ZBBX: variants seen among roughly 807,000 people sequenced by gnomAD.
ZBBX encodes zinc finger B-box domain-containing protein 1.
ZBBX carries 101 observed loss-of-function variants against 108.5 expected under a neutral mutation model. The observed-to-expected ratio is 0.93, with a 90% CI of 0.79 to 1.10. The LOEUF (loss-of-function observed/expected upper bound fraction) is 1.10, where lower values mean the gene tolerates loss of function less well. ZBBX is among the 50% of genes least tolerant of loss of function. The pLI is 0.00. For missense variants in ZBBX, 1,009 were observed against 941.4 expected (o/e 1.07, Z -0.94); for synonymous variants, 356 against 323.4 (o/e 1.10, Z -1.08).
At chr3:167,243,168 G>T (rs927460743) in intron 20 of ZBBX, among the ~76,000 whole-genome samples, 1 of 152,146 alleles carries the variant, frequency 6.6e-6, no homozygotes, top group Non-Finnish European at 1.5e-5. Context: ...GCTGGCTTAT[G>T]ATTTAGCCTA....
At chr3:167,179,083 C>T in the ZBBX span, among the ~76,000 whole-genome samples, 77 of 152,154 alleles carry the variant, frequency 5.1e-4, no homozygotes, top group East Asian at 0.012. Context: ...AGAAACACTG[C>T]AAAAGGTGAC....
intron 19 of ZBBX, among the ~76,000 whole-genome samples, chr3:167,287,329 A>G (rs985649384): frequency 1.3e-5 from 2 of 152,118 alleles, no homozygotes; most frequent in African/African-American, 4.8e-5. Flanking sequence ...TATTAGCATA[A>G]CACGGAGTTG....
the ZBBX span, among the ~76,000 whole-genome samples, chr3:167,193,798 A>C: frequency 2.0e-5 from 3 of 152,214 alleles, 1 homozygote; most frequent in African/African-American, 7.2e-5. Context: ...TCAGCCATTA[A>C]AATGAATAAA....
chr3:167,359,033 T>C (rs1744087626), intron 8 of ZBBX, among the ~76,000 whole-genome samples: 1 of 142,124 alleles, frequency 7.0e-6, no homozygotes, highest in African/African-American at 2.6e-5. Flanking sequence ...GCCTTAAACA[T>C]AATAGCAAAA....
rs1252197931 is a variant in ZBBX, at chr3:167,280,342, G to A, written c.2254+1896C>T. ...ACCTATAAAATGGGAGAAAATTTTT[G>A]CAACCTACTCATCTGACAAAGGGCT... On this transcript the variant is annotated intron_variant, in intron 20 of 21. Coordinates refer to ENST00000675490, the MANE Select transcript of ZBBX (RefSeq NM_001199201.2). Among the ~76,000 whole-genome samples, 36 of 150,102 alleles carry A rather than the reference G, an allele frequency of 2.4e-4. 1 individual carries two copies. Among genetic ancestry groups the A allele is most frequent in the Non-Finnish European group, 4.7e-4 (32 of 67,686 alleles).
chr3:167,336,709 A>G (rs1029765216), intron 9 of ZBBX, among the ~76,000 whole-genome samples: 7 of 152,228 alleles, frequency 4.6e-5, no homozygotes, highest in African/African-American at 1.4e-4. Context: ...GAAACTGAAA[A>G]TATTAAATTT....
intron 12 of ZBBX, among the ~76,000 whole-genome samples, chr3:167,321,526 G>A (rs964786259): frequency 6.6e-6 from 1 of 151,732 alleles, no homozygotes; most frequent in African/African-American, 2.4e-5. Flanking sequence ...CCAACAACTT[G>A]CACCTCAAAA....
At position 167,368,584 on chromosome 3, in the gene ZBBX, T is replaced by A. The variant is rs762954214; in HGVS notation, c.69-10A>T. 1.3e-6 allele frequency: 2 copies of A among 1,576,566 alleles called. No homozygotes were observed. Among genetic ancestry groups the A allele is most frequent in the South Asian group, 2.4e-5 (2 of 83,296 alleles). On this transcript the variant is annotated splice_polypyrimidine_tract_variant and intron_variant, in intron 4 of 21. Coordinates refer to ENST00000675490, the MANE Select transcript of ZBBX (RefSeq NM_001199201.2). ...CAGTTCTTGAGCATTTCTGAAGACA[T>A]AAGATTTAAATGGAGAAAGCAGAAA...
chr3:167,246,913 G>A (rs569775188), intron 20 of ZBBX, among the ~76,000 whole-genome samples: 2 of 152,300 alleles, frequency 1.3e-5, no homozygotes, highest in South Asian at 4.1e-4. Flanking sequence ...ATGATAATTA[G>A]TTCTAGAATG....
intron 20 of ZBBX, among the ~76,000 whole-genome samples, chr3:167,274,186 T>G (rs1727059492): frequency 6.6e-6 from 1 of 152,192 alleles, no homozygotes; most frequent in South Asian, 2.1e-4. Context: ...CTTTGTCCAA[T>G]GAACTAGCTA....
At chr3:167,184,008 T>A in the ZBBX span, among the ~76,000 whole-genome samples, 31 of 152,314 alleles carry the variant, frequency 2.0e-4, no homozygotes, top group East Asian at 5.8e-3. Context: ...ATCTATAGAC[T>A]AATGAAAATG....
chr3:167,330,442 T>C (rs1242425749), intron 10 of ZBBX, among the ~76,000 whole-genome samples: 1 of 152,138 alleles, frequency 6.6e-6, no homozygotes. Flanking sequence ...TGATAACTAT[T>C]GTGGACTGAA....
At chr3:167,268,115 ACT>A (rs1189158001) in intron 20 of ZBBX, among the ~76,000 whole-genome samples, 1 of 151,528 alleles carries the variant, frequency 6.6e-6, no homozygotes, top group Non-Finnish European at 1.5e-5. Flanking sequence ...GTCAGCTCTG[ACT>A]CTCTTCCGCT....
chr3:167,372,957 A>C lies in ZBBX; in HGVS notation c.-49-7T>G. 5.9e-6 allele frequency: 8 copies of C among 1,357,328 alleles called. No homozygotes were observed. Among genetic ancestry groups the C allele is most frequent in the Non-Finnish European group, 7.1e-6 (7 of 982,178 alleles). The allele number at this position is 1,357,328 out of a possible 1,614,324, so 84.1% of individuals were successfully genotyped here. The stretch of plus-strand genomic sequence containing the variant: ...TTCTGATTTGTAAACACTTCTGTAA[A>C]AGTAACAAAGACAAAAGAATTATGG... On this transcript the variant is annotated splice_region_variant and splice_polypyrimidine_tract_variant and intron_variant, in intron 3 of 21. Coordinates refer to ENST00000675490, the MANE Select transcript of ZBBX (RefSeq NM_001199201.2).
chr3:167,358,272 C>T (rs1043766927), intron 8 of ZBBX, among the ~76,000 whole-genome samples: 7 of 151,760 alleles, frequency 4.6e-5, no homozygotes, highest in Admixed American at 2.0e-4. Flanking sequence ...GCGAAATAAG[C>T]CAGTAACTAA....
intron 5 of ZBBX, 27 bp from the exon 6 acceptor site, chr3:167,366,003 T>C: frequency 6.6e-7 from 1 of 1,512,056 alleles, no homozygotes; most frequent in Non-Finnish European, 9.1e-7. Flanking sequence ...CAAGATAAAA[T>C]GTAATCACTA....
chr3:167,238,468 T>G (rs987153192), downstream of ZBBX, among the ~76,000 whole-genome samples: 3 of 152,036 alleles, frequency 2.0e-5, no homozygotes, highest in Non-Finnish European at 4.4e-5. Context: ...GACATGGAAA[T>G]GGCTATAGGT....
intron 20 of ZBBX, among the ~76,000 whole-genome samples, chr3:167,253,637 C>A (rs997429014): frequency 6.6e-6 from 1 of 151,842 alleles, no homozygotes; most frequent in Non-Finnish European, 1.5e-5. Flanking sequence ...CAGTAGCTCC[C>A]CAGAAAAGAC....
chr3:167,407,085 T>G (rs185837543), intron 1 of ZBBX, among the ~76,000 whole-genome samples: 5 of 152,176 alleles, frequency 3.3e-5, no homozygotes, highest in African/African-American at 4.8e-5. Flanking sequence ...TTGCCCAGTC[T>G]GCTGGGTGGC....
Sources: allele counts gnomAD v4.1 joint callset (sites outside exome capture counted in the v4.1 genomes callset), GRCh38; gene constraint gnomAD v4.1.1; transcripts MANE v1.5; gene names NCBI Gene and HGNC (gene_info 2026-07-23, HGNC 2026-07-21).